Variants in KIR3DL2 observed in about 807,000 individuals in gnomAD.
KIR3DL2 encodes the protein killer cell immunoglobulin like receptor, three Ig domains and long cytoplasmic tail 2.
Under a neutral mutation model 41.6 loss-of-function variants are expected in KIR3DL2, and 42 were observed. The observed-to-expected ratio is 1.01, with a 90% CI of 0.79 to 1.31. The LOEUF (loss-of-function observed/expected upper bound fraction) is 1.31. KIR3DL2 is among the 50% of genes most tolerant of loss of function. The probability of loss-of-function intolerance (pLI) is 0.00; values close to 1 mark genes in which losing one functional copy is unlikely to be tolerated. For missense variants in KIR3DL2, 728 were observed against 576.8 expected (o/e 1.26, Z -2.68); for synonymous variants, 230 against 221.3 (o/e 1.04, Z -0.35).
In KIR3DL2 at chr19:54,866,854, C is replaced by T; in HGVS notation, c.*123C>T. The T allele has an allele frequency of 9.1e-7, 1 of 1,093,262 alleles. No individual in the cohort carries two copies. Among genetic ancestry groups the T allele is most frequent in the Non-Finnish European group, 1.3e-6 (1 of 743,196 alleles). The allele number at this position is 1,093,262 out of a possible 1,614,324, so 67.7% of individuals were successfully genotyped here. A position where few individuals can be genotyped will look rare whatever the true frequency, so the allele number is the denominator to read the frequency against. On this transcript the variant is annotated 3_prime_UTR_variant, in exon 9 of 9. Coordinates refer to ENST00000326321, the MANE Select transcript of KIR3DL2 (RefSeq NM_006737.4). Reference sequence around the variant, plus strand: ...CCTCACACCACGAATCTGAACATGCCTCTCTCTTGCTTACAAATGCCTAAG... The same window carrying T: ...CCTCACACCACGAATCTGAACATGCTTCTCTCTTGCTTACAAATGCCTAAG...
chr19:54,852,762 T>C (rs1743322), intron 3 of KIR3DL2, among the ~76,000 whole-genome samples: 114,857 of 148,466 alleles, frequency 0.77, 44,932 homozygotes, highest in East Asian at 0.96. Flanking sequence ...AGAACTGATT[T>C]GCTGAGTCTC....
rs2065566158 is a variant in KIR3DL2 at position 54,866,804 on chromosome 19, G to T, written c.*73G>T. ...CAGCAGCTGGAATCTGAAGGCATCA[G>T]TCTGCATCTTAGGGGATCGCTCTTC... is the stretch of plus-strand genomic sequence containing the variant. On this transcript the variant is annotated 3_prime_UTR_variant, in exon 9 of 9. Transcript: ENST00000326321. 1 of 1,499,666 alleles carries T rather than the reference G, an allele frequency of 6.7e-7. No homozygotes were observed. The highest frequency in any genetic ancestry group is 9.2e-7 in the Non-Finnish European group (1 of 1,081,862). The allele number at this position is 1,499,666 out of a possible 1,614,324, so 92.9% of individuals were successfully genotyped here.
At chr19:54,856,447 A>T (rs1368720738) in intron 5 of KIR3DL2, among the ~76,000 whole-genome samples, 1 of 151,732 alleles carries the variant, frequency 6.6e-6, no homozygotes, top group East Asian at 1.9e-4. Flanking sequence ...TTGAGAGGCC[A>T]AGAAAGGTGG....
chr19:54,851,800 A>G (rs1161229251), intron 2 of KIR3DL2, among the ~76,000 whole-genome samples, 198 bp from the exon 3 acceptor site: 3 of 151,878 alleles, frequency 2.0e-5, no homozygotes, highest in African/African-American at 4.9e-5. Context: ...TCACTTATTC[A>G]GCACTTGCTC....
chr19:54,860,440 G>C (rs531912484), intron 6 of KIR3DL2, among the ~76,000 whole-genome samples: 4 of 151,966 alleles, frequency 2.6e-5, no homozygotes, highest in African/African-American at 7.2e-5. Context: ...GCATGATCTC[G>C]GCTCACTGCA....
intron 5 of KIR3DL2, 57 bp from the exon 6 acceptor site, chr19:54,859,022 A>T (rs1422591855): frequency 6.5e-7 from 1 of 1,538,506 alleles, no homozygotes; most frequent in South Asian, 1.1e-5. Flanking sequence ...AAAGATTTCC[A>T]TTGAGTAGAG....
intron 5 of KIR3DL2, 66 bp downstream of exon 5, chr19:54,855,978 C>G: frequency 1.9e-6 from 3 of 1,558,116 alleles, no homozygotes; most frequent in South Asian, 1.1e-5. Flanking sequence ...AGCTTCCTGC[C>G]GATGATGGGG....
At chr19:54,855,041 A>AGATGAT (rs80351760) in intron 4 of KIR3DL2, among the ~76,000 whole-genome samples, 12 of 147,694 alleles carry the variant, frequency 8.1e-5, no homozygotes, top group African/African-American at 2.6e-4. Context: ...TGATACATAG[A>AGATGAT]GATGATGATG....
chr19:54,866,473 C>A (rs2065528093), intron 8 of KIR3DL2, 49 bp from the exon 9 acceptor site: 2 of 1,614,000 alleles, frequency 1.2e-6, no homozygotes, highest in East Asian at 2.2e-5. Flanking sequence ...CCCTAATAGT[C>A]CTGAAAAATG....
chr19:54,855,843 T>G lies in KIR3DL2; in HGVS notation c.880T>G (p.Phe294Val), dbSNP rs757041837. 8 of 1,613,482 alleles carry G rather than the reference T, an allele frequency of 5.0e-6. No homozygotes were observed. In the South Asian group the frequency reaches 8.8e-5, roughly 18 times the overall value. Reference protein sequence around the residue: ...PATHGGTYRCFGSFRALPCVW... With the variant: ...PATHGGTYRCVGSFRALPCVW... ...CACCCACGGAGGGACCTACAGATGC[T>G]TCGGCTCTTTCCGTGCCCTGCCCTG... The change falls in exon 5 of 9, where the codon TTC becomes GTC. Residue 294 changes from phenylalanine (F) to valine (V), a missense_variant. Physicochemically the swap from Phe to Val is conservative, Grantham distance 50. Transcript: ENST00000326321.
Position 54,866,957 on chromosome 19 carries a change from C to T in KIR3DL2, c.*226C>T, listed in dbSNP as rs2065577935. The T allele has an allele frequency of 1.7e-6, 1 of 591,102 alleles. No homozygotes were observed. Among genetic ancestry groups the T allele is most frequent in the African/African-American group, 1.9e-5 (1 of 53,516 alleles). The allele number at this position is 591,102 out of a possible 1,614,324, so 36.6% of individuals were successfully genotyped here. On this transcript the variant is annotated 3_prime_UTR_variant, in exon 9 of 9. Coordinates refer to ENST00000326321, the MANE Select transcript of KIR3DL2 (RefSeq NM_006737.4). The stretch of plus-strand genomic sequence containing the variant: ...ATCTATTTCACTTGACCCCTGCCCA[C>T]CTCTCCAACCTAACTGGCTTACTTC...
chr19:54,858,268 G>T (rs1208329112), intron 5 of KIR3DL2, among the ~76,000 whole-genome samples: 3 of 150,656 alleles, frequency 2.0e-5, no homozygotes, highest in Non-Finnish European at 4.4e-5. Flanking sequence ...TGTTTCATAG[G>T]TTCAGGCCTT....
At chr19:54,857,878 C>T (rs773594959) in intron 5 of KIR3DL2, among the ~76,000 whole-genome samples, 6 of 151,606 alleles carry the variant, frequency 4.0e-5, no homozygotes, top group African/African-American at 9.7e-5. Context: ...AAACTCATCG[C>T]GATTGTAATT....
rs796327888 is a variant in KIR3DL2 at position 54,852,796 on chromosome 19, TG to T, written c.355+515del. Among the ~76,000 whole-genome samples the T allele has an allele frequency of 9.2e-4, 136 of 148,374 alleles. 2 individuals are homozygous for T. The highest frequency in any genetic ancestry group is 2.9e-3 in the African/African-American group (118 of 40,442). ...TCCAGAGGGAACGCAGCCCTGCAGA[TG>T]CCTTGATTTCAGCACAGGGAGAACT... On this transcript the variant is annotated intron_variant, in intron 3 of 8. Coordinates refer to ENST00000326321, the MANE Select transcript of KIR3DL2 (RefSeq NM_006737.4).
In KIR3DL2 at chr19:54,855,756, A is replaced by T. The variant is rs2064706342; in HGVS notation, c.793A>T (p.Arg265Trp). The T allele has an allele frequency of 6.2e-7, 1 of 1,613,360 alleles. No individual in the cohort carries two copies. The highest frequency in any genetic ancestry group is 8.5e-7 in the Non-Finnish European group (1 of 1,179,942). Residue 265 changes from arginine (R) to tryptophan (W), a missense_variant, in exon 5 of 9, where the codon AGG (arginine) becomes TGG (tryptophan). Physicochemically the swap from Arg to Trp is moderately radical, Grantham distance 101. Transcript: ENST00000326321. ...CAGGGAAGGGGAGGCCCATGAACGT[A>T]GGCTCCGTGCAGTGCCCAAGGTCAA... is the stretch of plus-strand genomic sequence containing the variant. ...LSREGEAHER[R>W]LRAVPKVNRT...
chr19:54,865,740 A>G, intron 6 of KIR3DL2, 65 bp from the exon 7 acceptor site: 1 of 1,389,112 alleles, frequency 7.2e-7, no homozygotes, highest in Non-Finnish European at 1.0e-6. Flanking sequence ...CAATCAAGAA[A>G]TGAGACAATC....
chr19:54,855,513 A>G, intron 4 of KIR3DL2, 106 bp from the exon 5 acceptor site: 1 of 1,462,456 alleles, frequency 6.8e-7, no homozygotes, highest in South Asian at 1.3e-5. Context: ...TGAGAGAGAG[A>G]GAGAGCATTA....
chr19:54,856,083 G>A (rs1287909839), intron 5 of KIR3DL2, among the ~76,000 whole-genome samples, 171 bp downstream of exon 5: 2 of 151,014 alleles, frequency 1.3e-5, no homozygotes, highest in Non-Finnish European at 2.9e-5. Flanking sequence ...AAACCCTCTT[G>A]CATGGCCTGC....
Position 54,866,353 on chromosome 19 carries a change from A to G in KIR3DL2, c.1106-17A>G. The stretch of plus-strand genomic sequence containing the variant: ...AAGGGCCCTCCAAGCGGTTTTGATG[A>G]CTTCCGTCTCCTACAGATGCTGCTG... On this transcript the variant is annotated splice_polypyrimidine_tract_variant and intron_variant, in intron 7 of 8. Coordinates refer to ENST00000326321, the MANE Select transcript of KIR3DL2 (RefSeq NM_006737.4). The G allele has an allele frequency of 6.2e-7, 1 of 1,613,816 alleles. No individual in the cohort carries two copies. The highest frequency in any genetic ancestry group is 8.5e-7 in the Non-Finnish European group (1 of 1,179,898).
Sources: allele counts gnomAD v4.1 joint callset (sites outside exome capture counted in the v4.1 genomes callset), GRCh38; gene constraint gnomAD v4.1.1; transcripts MANE v1.5; gene names NCBI Gene and HGNC (gene_info 2026-07-23, HGNC 2026-07-21).